The following FAM47E variants were observed in gnomAD, a reference collection of about 807,000 sequenced individuals.
FAM47E encodes family with sequence similarity 47 member E, also known as protein FAM47E.
In FAM47E, 32 loss-of-function variants were observed where a neutral mutation model predicts 41.6. That is an observed-to-expected ratio of 0.77 (90% CI 0.58 to 1.03). FAM47E has a LOEUF of 1.03. FAM47E is among the 50% of genes least tolerant of loss of function. FAM47E has a pLI of 0.00. For synonymous variants in FAM47E, 184 were observed against 188.7 expected (o/e 0.98, Z 0.20); for missense variants, 424 against 485.4 (o/e 0.87, Z 1.19).
At chr4:76,238,358 C>T (rs1733631830) in intron 2 of FAM47E, among the ~76,000 whole-genome samples, 1 of 152,182 alleles carries the variant, frequency 6.6e-6, no homozygotes, top group Non-Finnish European at 1.5e-5. Context: ...CTCAGGGAAA[C>T]TGTTTGTCCC....
At chr4:76,250,495 C>T (rs1411439183), upstream of FAM47E, among the ~76,000 whole-genome samples, 2 of 151,942 alleles carry the variant, frequency 1.3e-5, no homozygotes, top group African/African-American at 2.4e-5. Flanking sequence ...AAAGATTTTT[C>T]CCACTCTGTG....
Position 76,251,776 on chromosome 4 carries a change from G to C in FAM47E, c.30G>C (p.Pro10=), listed in dbSNP as rs1380009100. MADRRRRLR[P]GTLAPVREGV... is the part of the protein sequence containing the mutation. Reference sequence around the variant, plus strand: ...CGGACCGCAGGCGGCGGCTCCGGCCGGGGACGTTGGCCCCGGTGCGCGAGG... The same window carrying C: ...CGGACCGCAGGCGGCGGCTCCGGCCCGGGACGTTGGCCCCGGTGCGCGAGG... The change falls in exon 1 of 8, where the codon CCG becomes CCC. Residue 10 remains proline, a synonymous_variant. Transcript: ENST00000424749. The C allele has an allele frequency of 1.8e-5, 27 of 1,489,954 alleles. No homozygotes were observed. In the South Asian group the frequency reaches 2.1e-4, roughly 12 times the overall value. 92.3% of individuals were successfully genotyped at this position (1,489,954 alleles called of 1,614,324 possible).
At position 76,278,196 on chromosome 4, in the gene FAM47E, A is replaced by T. The variant is rs1324611356; in HGVS notation, c.998A>T (p.Glu333Val). ...GAGGTCTCACATAAGGCTCAAGAGGAGAATTTTAAAAAGGAGCTGCAGGAA... is the reference window on the plus strand; with the variant it reads ...GAGGTCTCACATAAGGCTCAAGAGGTGAATTTTAAAAAGGAGCTGCAGGAA... ...DPEVSHKAQE[E>V]NFKKELQEQE... The change falls in exon 6 of 8, where the codon GAG becomes GTG. Residue 333 changes from glutamate to valine, a missense_variant. Glu to Val is a moderately radical substitution (Grantham distance 121). Coordinates refer to ENST00000424749, the MANE Select transcript of FAM47E (RefSeq NM_001136570.3). 1.3e-6 allele frequency: 2 copies of T among 1,542,436 alleles called. No homozygotes were observed. Among genetic ancestry groups the T allele is most frequent in the East Asian group, 4.9e-5 (2 of 40,852 alleles).
At chr4:76,277,549 A>C (rs993051625) in intron 5 of FAM47E, among the ~76,000 whole-genome samples, 1 of 101,802 alleles carries the variant, frequency 9.8e-6, no homozygotes, top group African/African-American at 3.3e-5. Flanking sequence ...CAGTTTGATA[A>C]AAAAAAAAAT....
At chr4:76,256,667 G>C in intron 2 of FAM47E, 144 bp downstream of exon 2, 2 of 992,700 alleles carry the variant, frequency 2.0e-6, no homozygotes, top group East Asian at 5.3e-5. Flanking sequence ...AGTTCTTATG[G>C]GCCTCAGAGC....
At chr4:76,275,676 A>G (rs1735066665) in intron 5 of FAM47E, among the ~76,000 whole-genome samples, 1 of 152,178 alleles carries the variant, frequency 6.6e-6, no homozygotes, top group Non-Finnish European at 1.5e-5. Context: ...GGGTGAGGGC[A>G]TGTTTACAAA....
chr4:76,246,194 C>CT (rs1321499361), intron 2 of FAM47E, among the ~76,000 whole-genome samples: 1 of 152,110 alleles, frequency 6.6e-6, no homozygotes, highest in Non-Finnish European at 1.5e-5. Flanking sequence ...AGCCACTGCT[C>CT]TGAGCAATTC....
chr4:76,215,812 T>TA (rs1216585029), intron 1 of FAM47E, among the ~76,000 whole-genome samples: 1 of 152,132 alleles, frequency 6.6e-6, no homozygotes, highest in Non-Finnish European at 1.5e-5. Flanking sequence ...CAGCTGTCCC[T>TA]AGCCTTTTGA....
intron 2 of FAM47E, among the ~76,000 whole-genome samples, chr4:76,230,423 C>T (rs1433268063): frequency 6.6e-6 from 1 of 152,042 alleles, no homozygotes; most frequent in Non-Finnish European, 1.5e-5. Flanking sequence ...CAGACCTTGC[C>T]CCAGGCTATA....
At chr4:76,214,091 G>A in exon 1 of FAM47E, 2 of 366,492 alleles carry the variant, frequency 5.5e-6, no homozygotes, top group South Asian at 3.9e-5. Flanking sequence ...TGCCGAACCT[G>A]GTTCACACAC....
intron 2 of FAM47E, among the ~76,000 whole-genome samples, chr4:76,243,817 T>C (rs771975632): frequency 1.3e-5 from 2 of 152,198 alleles, no homozygotes; most frequent in Non-Finnish European, 2.9e-5. Flanking sequence ...TAGGTATACA[T>C]GTGCCATGGT....
In FAM47E at chr4:76,233,770, G is replaced by A. The variant is rs190001900; in HGVS notation, c.81+16082G>A. On this transcript the variant is annotated intron_variant, in intron 2 of 7. Transcript: ENST00000510197. ...TTGCTGAACAAAGCCCTATCAAGCA[G>A]TTACAGGCAGTGCCCCCAATATGTA... is the stretch of plus-strand genomic sequence containing the variant. Among the ~76,000 whole-genome samples the A allele has an allele frequency of 2.4e-3, 364 of 152,238 alleles. 2 individuals are homozygous for A. Among genetic ancestry groups the A allele is most frequent in the African/African-American group, 8.2e-3 (342 of 41,540 alleles).
At chr4:76,260,019 C>T (rs1404601529) in intron 2 of FAM47E, among the ~76,000 whole-genome samples, 3 of 152,026 alleles carry the variant, frequency 2.0e-5, no homozygotes, top group Non-Finnish European at 2.9e-5. Context: ...AAGTGAAAGA[C>T]CTCCACAAGG....
At position 76,278,129 on chromosome 4, in the gene FAM47E, T is replaced by C; in HGVS notation, c.931T>C (p.Leu311=). The change falls in exon 6 of 8, where the codon TTG becomes CTG. Residue 311 remains leucine (L), a synonymous_variant. Transcript: ENST00000424749. The part of the protein sequence containing the change: ...RYGAWYLNPK[L]WKKQRVDEPL... ...TGGAGCATGGTATTTGAACCCCAAG[T>C]TGTGGAAAAAGCAAAGAGTAGACGA... The C allele has an allele frequency of 1.9e-6, 3 of 1,550,894 alleles. No individual in the cohort carries two copies. Among genetic ancestry groups the C allele is most frequent in the Non-Finnish European group, 2.6e-6 (3 of 1,146,776 alleles).
intron 2 of FAM47E, among the ~76,000 whole-genome samples, chr4:76,262,836 C>T (rs1192458202): frequency 1.3e-5 from 2 of 152,084 alleles, no homozygotes; most frequent in East Asian, 3.9e-4. Context: ...AATTATAGTT[C>T]ACTGTTACCT....
intron 2 of FAM47E, among the ~76,000 whole-genome samples, chr4:76,245,221 C>T (rs1376853731): frequency 4.6e-5 from 7 of 152,066 alleles, no homozygotes; most frequent in South Asian, 2.1e-4. Context: ...CAGAGTAAAA[C>T]CAGGAAAACA....
chr4:76,276,212 G>A (rs1404370851), intron 5 of FAM47E, among the ~76,000 whole-genome samples: 2 of 152,256 alleles, frequency 1.3e-5, no homozygotes, highest in African/African-American at 4.8e-5. Flanking sequence ...ATGTAGCTGG[G>A]AATAATTTCC....
chr4:76,263,737 G>A lies in FAM47E; in HGVS notation c.454G>A (p.Asp152Asn). 6.4e-7 allele frequency: 1 copy of A among 1,551,676 alleles called. No individual in the cohort carries two copies. The highest frequency in any genetic ancestry group is 1.2e-5 in the South Asian group (1 of 84,028). ...LSKVLEVLDP[D>N]RKLEDTWAYC... is the part of the protein sequence containing the mutation. ...AAAGGTGCTGGAAGTGCTTGATCCT[G>A]ACCGGAAGCTGGAGGACACATGGGC... The change falls in exon 3 of 8, where the codon GAC becomes AAC. Residue 152 changes from aspartate to asparagine, a missense_variant. By Grantham distance (23) the Asp-to-Asn change is conservative (BLOSUM62 1). Coordinates refer to ENST00000424749, the MANE Select transcript of FAM47E (RefSeq NM_001136570.3).
At chr4:76,251,850 C>A in intron 1 of FAM47E, 30 bp downstream of exon 1, 2 of 1,389,004 alleles carry the variant, frequency 1.4e-6, no homozygotes, top group South Asian at 1.6e-5. Flanking sequence ...GCCGAGGGCG[C>A]ATCCCACGCG....
Sources: allele counts gnomAD v4.1 joint callset (sites outside exome capture counted in the v4.1 genomes callset), GRCh38; gene constraint gnomAD v4.1.1; transcripts MANE v1.5; gene names NCBI Gene and HGNC (gene_info 2026-07-23, HGNC 2026-07-21).